STAT5B: variants seen among roughly 807,000 people sequenced by gnomAD.
The protein encoded by STAT5B is transcription factor STAT5B.
A neutral mutation model predicts 107.8 loss-of-function variants in STAT5B; 21 were observed. The ratio of observed to expected loss-of-function variants is 0.19; its 90% confidence interval spans 0.14 to 0.28. STAT5B has a LOEUF of 0.28. Ranked by LOEUF, STAT5B falls within the 10% of genes least tolerant of loss-of-function variation. The pLI is 1.00. For missense variants in STAT5B, 565 were observed against 1,008.2 expected (o/e 0.56, Z 5.95); for synonymous variants, 325 against 401.7 (o/e 0.81, Z 2.28).
chr17:42,217,022 G>A lies in STAT5B; in HGVS notation c.1380+138C>T, dbSNP rs138819482. 3.7e-4 allele frequency: 538 copies of A among 1,444,246 alleles called. 2 individuals carry two copies. The African/African-American group carries it at 6.7e-3, about 18-fold the overall frequency. 89.5% of individuals were successfully genotyped at this position (1,444,246 alleles called of 1,614,324 possible). On this transcript the variant is annotated intron_variant, in intron 11 of 18. Transcript: ENST00000293328. ...GAACCTAAGTGAAACAGTTCTCAGG[G>A]TGAGGTCAGTCCATTTTCAGTTTAC...
At chr17:42,210,596 T>A in intron 13 of STAT5B, 99 bp from the exon 14 acceptor site, 1 of 1,117,920 alleles carries the variant, frequency 8.9e-7, no homozygotes, top group Non-Finnish European at 1.4e-6. Context: ...AACAAACATC[T>A]ACCCTTGTCA....
chr17:42,242,332 C>G (rs2080410726), intron 1 of STAT5B, among the ~76,000 whole-genome samples: 1 of 152,138 alleles, frequency 6.6e-6, no homozygotes, highest in African/African-American at 2.4e-5. Flanking sequence ...ATCACAGCTA[C>G]TAAAACCATT....
chr17:42,219,697 C>A lies in STAT5B; in HGVS notation c.681+15G>T, dbSNP rs1187327077. On this transcript the variant is annotated intron_variant, in intron 6 of 18. Transcript: ENST00000293328. ...ATGGCACCCACGCCCAGGAGAGGCC[C>A]AGGACCCCACTCACCACGCGGTACT... 6.3e-7 allele frequency: 1 copy of A among 1,599,192 alleles called. No individual in the cohort carries two copies. Among genetic ancestry groups the A allele is most frequent in the Admixed American group, 1.7e-5 (1 of 57,830 alleles).
At chr17:42,250,052 T>C (rs529129739) in intron 1 of STAT5B, among the ~76,000 whole-genome samples, 1 of 152,250 alleles carries the variant, frequency 6.6e-6, no homozygotes, top group African/African-American at 2.4e-5. Context: ...CTTTTGAGTA[T>C]AAAAGTGAAG....
chr17:42,271,046 C>A (rs1250888038), intron 1 of STAT5B: 1 of 152,222 alleles, frequency 6.6e-6, no homozygotes, highest in East Asian at 1.9e-4. Context: ...TAATTGTCTG[C>A]TCACCTCTCG....
At chr17:42,202,130 G>A (rs1376506779) in intron 18 of STAT5B, 5 of 658,652 alleles carry the variant, frequency 7.6e-6, no homozygotes, top group Non-Finnish European at 1.3e-5. Flanking sequence ...TTGAGAGAGG[G>A]GAACAGATGA....
intron 12 of STAT5B, chr17:42,214,286 T>A (rs751734235): frequency 1.0e-6 from 1 of 984,938 alleles, no homozygotes; most frequent in Non-Finnish European, 1.2e-6. Flanking sequence ...GAGAGTGAGA[T>A]CTGTGGACAG....
At chr17:42,207,349 G>A (rs114013582) in intron 16 of STAT5B, among the ~76,000 whole-genome samples, 1,798 of 152,142 alleles carry the variant, frequency 0.012, 27 homozygotes, top group African/African-American at 0.042. Flanking sequence ...GATATTTGGG[G>A]TTAGTGGTAG....
At chr17:42,224,447 T>G (rs1391936518) in intron 4 of STAT5B, among the ~76,000 whole-genome samples, 1 of 151,886 alleles carries the variant, frequency 6.6e-6, no homozygotes, top group African/African-American at 2.4e-5. Flanking sequence ...TCAAGGGATC[T>G]TCCCACTTCA....
intron 1 of STAT5B, among the ~76,000 whole-genome samples, chr17:42,242,784 A>G (rs1202105827): frequency 6.6e-6 from 1 of 152,126 alleles, no homozygotes; most frequent in Non-Finnish European, 1.5e-5. Flanking sequence ...CCTGGCCAAC[A>G]TGGTGAAACC....
At chr17:42,202,076 C>T in intron 18 of STAT5B, 1 of 636,600 alleles carries the variant, frequency 1.6e-6, no homozygotes, top group Non-Finnish European at 2.8e-6. Flanking sequence ...TGTCCAGACA[C>T]ATCACAACTC....
chr17:42,285,023 G>A, the STAT5B span, among the ~76,000 whole-genome samples: 3 of 152,106 alleles, frequency 2.0e-5, no homozygotes, highest in Non-Finnish European at 4.4e-5. Flanking sequence ...AGCCTAGGCT[G>A]CAGACTATTA....
chr17:42,260,857 C>A (rs2080589060), intron 1 of STAT5B, among the ~76,000 whole-genome samples: 1 of 151,518 alleles, frequency 6.6e-6, no homozygotes, highest in African/African-American at 2.4e-5. Context: ...TGGTCTAGAA[C>A]ATAAATATTC....
chr17:42,257,825 C>G (rs980222536), intron 1 of STAT5B, among the ~76,000 whole-genome samples: 2 of 152,144 alleles, frequency 1.3e-5, no homozygotes, highest in Non-Finnish European at 2.9e-5. Flanking sequence ...AATACCACCA[C>G]AGTGAAAACC....
chr17:42,211,367 G>A (rs577616209), intron 13 of STAT5B, among the ~76,000 whole-genome samples: 4 of 151,826 alleles, frequency 2.6e-5, no homozygotes, highest in South Asian at 2.1e-4. Context: ...ATTGCGGGGC[G>A]TGGTGCCGCA....
intron 1 of STAT5B, among the ~76,000 whole-genome samples, chr17:42,245,082 T>A (rs2144338834): frequency 6.9e-6 from 1 of 145,036 alleles, no homozygotes; most frequent in East Asian, 2.0e-4. Flanking sequence ...AATTTTTTTT[T>A]TTTTTTTTTT....
In STAT5B at chr17:42,262,739, AGTGTGTATATATAT is replaced by A. The variant is rs1323262881; in HGVS notation, c.-11+13495_-11+13508del. On this transcript the variant is annotated intron_variant, in intron 1 of 18. Transcript: ENST00000293328. ...CAATATGAAATGAATAACTTAGCAG[AGTGTGTATATATAT>A]GTGTGTATATATATACATATATGTA... is the stretch of plus-strand genomic sequence containing the variant. 1.4e-4 allele frequency among the ~76,000 whole-genome samples: 15 copies of A among 110,796 alleles called. No individual in the cohort carries two copies. The East Asian group carries it at 1.8e-3, about 14-fold the overall frequency. 72.7% of individuals were successfully genotyped at this position (110,796 alleles called of 152,430 possible). A position where few individuals can be genotyped will look rare whatever the true frequency, so the allele number is the denominator to read the frequency against.
In STAT5B at chr17:42,265,377, C is replaced by CTTTTTTTTT. The variant is rs371149930; in HGVS notation, c.-11+10862_-11+10870dup. Among the ~76,000 whole-genome samples the CTTTTTTTTT allele has an allele frequency of 4.2e-4, 46 of 110,590 alleles. 4 individuals carry two copies. Among genetic ancestry groups the CTTTTTTTTT allele is most frequent in the Admixed American group, 1.2e-3 (14 of 12,078 alleles). The allele number at this position is 110,590 out of a possible 152,430, so 72.6% of individuals were successfully genotyped here. A position where few individuals can be genotyped will look rare whatever the true frequency, so the allele number is the denominator to read the frequency against. On this transcript the variant is annotated intron_variant, in intron 1 of 18. Transcript: ENST00000293328. The stretch of plus-strand genomic sequence containing the variant: ...GCTAAGTCAAAGGGTATGTACTCTT[C>CTTTTTTTTT]TTTTTTTTTTTTGAGACGAAGTCTC...
intron 1 of STAT5B, chr17:42,270,689 C>G (rs975048293): frequency 6.6e-6 from 1 of 152,076 alleles, no homozygotes; most frequent in Non-Finnish European, 1.5e-5. Flanking sequence ...GAAATACAAG[C>G]CTCAAAGAAA....
Sources: allele counts gnomAD v4.1 joint callset (sites outside exome capture counted in the v4.1 genomes callset), GRCh38; gene constraint gnomAD v4.1.1; transcripts MANE v1.5; gene names NCBI Gene and HGNC (gene_info 2026-07-23, HGNC 2026-07-21).